The following GRIP1 variants were observed in gnomAD, a reference collection of about 807,000 sequenced individuals.
GRIP1 encodes glutamate receptor interacting protein 1.
A neutral mutation model predicts 129.9 loss-of-function variants in GRIP1; 45 were observed. The ratio of observed to expected loss-of-function variants is 0.35; its 90% CI spans 0.27 to 0.44. GRIP1 has a LOEUF of 0.44. Among genes scored for constraint, GRIP1 ranks in the 20% least tolerant of loss-of-function variants. GRIP1 has a pLI of 1.00. For synonymous variants in GRIP1, 530 were observed against 520.8 expected (o/e 1.02, Z -0.24); for missense variants, 1,196 against 1,396.8 (o/e 0.86, Z 2.29).
At chr12:66,890,183 C>T (rs10878518) in intron 1 of GRIP1, among the ~76,000 whole-genome samples, 13,187 of 152,132 alleles carry the variant, frequency 0.087, 905 homozygotes, top group East Asian at 0.26. Flanking sequence ...CCCACCTCAG[C>T]CTCCCAAAAT....
intron 2 of GRIP1, among the ~76,000 whole-genome samples, chr12:66,578,941 G>A (rs1259202780): frequency 2.6e-5 from 4 of 152,130 alleles, no homozygotes; most frequent in Admixed American, 2.0e-4. Flanking sequence ...ATCTGAGAAC[G>A]GGCAGACTGC....
chr12:66,391,492 C>T (rs951592318), intron 19 of GRIP1, among the ~76,000 whole-genome samples: 2 of 152,164 alleles, frequency 1.3e-5, no homozygotes, highest in East Asian at 3.9e-4. Context: ...CTTCACATGA[C>T]GATGACACCT....
rs189417470 is a variant in GRIP1 at position 66,857,368 on chromosome 12, G to A, written c.58+211682C>T. On this transcript the variant is annotated intron_variant, in intron 1 of 1. Transcript: ENST00000643019. ...TAATAAAAAAGTGAAACCAAAGCTT[G>A]GATTTTATTATTTTAATATAATTTT... 1.2e-3 allele frequency among the ~76,000 whole-genome samples: 189 copies of A among 151,850 alleles called. 1 individual carries two copies. The highest frequency in any genetic ancestry group is 2.0e-3 in the Non-Finnish European group (138 of 67,914).
chr12:66,722,953 T>C (rs904977961), intron 1 of GRIP1, among the ~76,000 whole-genome samples: 1 of 152,002 alleles, frequency 6.6e-6, no homozygotes, highest in Admixed American at 6.6e-5. Flanking sequence ...TTTTGATATT[T>C]CATAATATTG....
chr12:66,576,088 T>C (rs1387610015), intron 2 of GRIP1, among the ~76,000 whole-genome samples: 1 of 152,206 alleles, frequency 6.6e-6, no homozygotes, highest in African/African-American at 2.4e-5. Flanking sequence ...CCAGAAATCT[T>C]AGACCTCTGG....
At chr12:66,526,449 A>G (rs2061243766) in intron 5 of GRIP1, among the ~76,000 whole-genome samples, 1 of 152,136 alleles carries the variant, frequency 6.6e-6, no homozygotes, top group South Asian at 2.1e-4. Flanking sequence ...TATTTAATAA[A>G]TGGTGCTGGG....
chr12:66,713,642 C>T (rs185798602), intron 1 of GRIP1, among the ~76,000 whole-genome samples: 3 of 152,164 alleles, frequency 2.0e-5, no homozygotes, highest in East Asian at 3.9e-4. Flanking sequence ...CTTTGTTACT[C>T]GACTCCAGTG....
intron 1 of GRIP1, among the ~76,000 whole-genome samples, chr12:66,767,035 C>T (rs2037661287): frequency 6.6e-6 from 1 of 152,106 alleles, no homozygotes; most frequent in East Asian, 1.9e-4. Context: ...AAACTCTATA[C>T]TACAACGTTT....
intron 1 of GRIP1, among the ~76,000 whole-genome samples, chr12:66,852,023 T>A (rs2039921316): frequency 6.6e-6 from 1 of 152,036 alleles, no homozygotes; most frequent in African/African-American, 2.4e-5. Context: ...ATAGTTGTAA[T>A]CTATAAATTG....
intron 1 of GRIP1, among the ~76,000 whole-genome samples, chr12:66,769,434 G>A (rs2037748888): frequency 6.6e-6 from 1 of 151,954 alleles, no homozygotes; most frequent in South Asian, 2.1e-4. Context: ...TTATGAAACA[G>A]TTCTCCCCTA....
chr12:66,965,767 T>C (rs2041989866), intron 1 of GRIP1, among the ~76,000 whole-genome samples: 1 of 152,142 alleles, frequency 6.6e-6, no homozygotes, highest in South Asian at 2.1e-4. Context: ...CATGGCAACA[T>C]TCTCCTCTGT....
chr12:66,928,962 C>T (rs759484082), intron 1 of GRIP1, among the ~76,000 whole-genome samples: 1 of 152,130 alleles, frequency 6.6e-6, no homozygotes, highest in Non-Finnish European at 1.5e-5. Flanking sequence ...CAGACCATTA[C>T]CCTCATGTCA....
intron 1 of GRIP1, among the ~76,000 whole-genome samples, chr12:66,699,916 A>G (rs2035292009): frequency 6.6e-6 from 1 of 152,106 alleles, no homozygotes; most frequent in African/African-American, 2.4e-5. Flanking sequence ...TCCCAAAGAG[A>G]AGAGAGAGGG....
chr12:66,889,366 C>G (rs149445285), intron 1 of GRIP1, among the ~76,000 whole-genome samples: 2 of 152,080 alleles, frequency 1.3e-5, no homozygotes, highest in African/African-American at 4.8e-5. Context: ...GAGGCTGAGG[C>G]AGGAGAATCA....
At chr12:66,486,372 T>C (rs894418844) in intron 7 of GRIP1, among the ~76,000 whole-genome samples, 2 of 152,152 alleles carry the variant, frequency 1.3e-5, no homozygotes, top group Non-Finnish European at 2.9e-5. Flanking sequence ...AAAGAATTTT[T>C]AAATTTTTAA....
intron 1 of GRIP1, among the ~76,000 whole-genome samples, chr12:66,818,244 T>C (rs532678782): frequency 1.2e-4 from 19 of 152,330 alleles, no homozygotes; most frequent in Non-Finnish European, 2.1e-4. Flanking sequence ...CATTATACAA[T>C]ATCAAAACAT....
chr12:66,869,649 T>TA (rs2040263252), intron 1 of GRIP1, among the ~76,000 whole-genome samples: 1 of 152,014 alleles, frequency 6.6e-6, no homozygotes, highest in African/African-American at 2.4e-5. Context: ...AAGTGACAGA[T>TA]ACGTATCATT....
chr12:66,932,913 T>C (rs1051659825), intron 1 of GRIP1, among the ~76,000 whole-genome samples: 14 of 152,176 alleles, frequency 9.2e-5, no homozygotes, highest in African/African-American at 3.4e-4. Flanking sequence ...GTGATCCACC[T>C]GCCTGGACCT....
chr12:66,927,010 T>C (rs1158825882), intron 1 of GRIP1, among the ~76,000 whole-genome samples: 1 of 152,234 alleles, frequency 6.6e-6, no homozygotes, highest in Non-Finnish European at 1.5e-5. Context: ...GGTGCTACGC[T>C]AAGTATTCTT....
Sources: allele counts gnomAD v4.1 joint callset (sites outside exome capture counted in the v4.1 genomes callset), GRCh38; gene constraint gnomAD v4.1.1; transcripts MANE v1.5; gene names NCBI Gene and HGNC (gene_info 2026-07-23, HGNC 2026-07-21).